Variants in PPARGC1A observed in about 807,000 individuals in gnomAD.
PPARGC1A encodes PPARG coactivator 1 alpha.
In PPARGC1A, 25 loss-of-function variants were observed where a neutral mutation model predicts 88.7. The observed-to-expected ratio is 0.28, with a 90% CI of 0.21 to 0.39. The LOEUF (loss-of-function observed/expected upper bound fraction) is 0.39, where lower values mean the gene tolerates loss of function less well. Ranked by LOEUF, PPARGC1A falls within the 10% of genes least tolerant of loss-of-function variation. The pLI, the probability that PPARGC1A is intolerant of heterozygous loss-of-function variation, is 1.00. For synonymous variants in PPARGC1A, 363 were observed against 355.6 expected, an observed-to-expected ratio of 1.02 and a Z score of -0.24; for missense variants, 880 against 968.7, an observed-to-expected ratio of 0.91 and a Z score of 1.22.
the PPARGC1A span, among the ~76,000 whole-genome samples, chr4:24,052,701 C>A: frequency 6.7e-6 from 1 of 149,744 alleles, no homozygotes; most frequent in East Asian, 1.9e-4. Context: ...ATTTTATTTT[C>A]ATTTGCTCCT....
At chr4:24,356,418 C>T in the PPARGC1A span, among the ~76,000 whole-genome samples, 5 of 152,172 alleles carry the variant, frequency 3.3e-5, no homozygotes, top group African/African-American at 7.2e-5. Context: ...TCTCTGTTCA[C>T]GGACATTAAC....
the PPARGC1A span, among the ~76,000 whole-genome samples, chr4:24,462,109 G>A: frequency 5.3e-5 from 8 of 151,966 alleles, no homozygotes; most frequent in Non-Finnish European, 1.0e-4. Context: ...TTTTTGAGAT[G>A]GAGTCTCGCT....
the PPARGC1A span, among the ~76,000 whole-genome samples, chr4:24,380,548 G>A: frequency 8.5e-5 from 13 of 152,226 alleles, 4 homozygotes; most frequent in Admixed American, 7.8e-4. Context: ...CAAGAAAGTA[G>A]TAAAATTAGC....
the PPARGC1A span, among the ~76,000 whole-genome samples, chr4:23,965,578 G>A: frequency 6.6e-6 from 1 of 152,172 alleles, no homozygotes; most frequent in South Asian, 2.1e-4. Context: ...AAAAGCAAAT[G>A]ATATTATACA....
chr4:24,318,396 T>C, the PPARGC1A span, among the ~76,000 whole-genome samples: 6 of 152,206 alleles, frequency 3.9e-5, no homozygotes, highest in Non-Finnish European at 8.8e-5. Context: ...TCAGGTAGAC[T>C]AGAAGGAACA....
At chr4:24,264,597 C>A in the PPARGC1A span, among the ~76,000 whole-genome samples, 2 of 152,370 alleles carry the variant, frequency 1.3e-5, no homozygotes, top group South Asian at 2.1e-4. Context: ...GGTTTTAGAA[C>A]CTTCATTGGC....
the PPARGC1A span, among the ~76,000 whole-genome samples, chr4:23,955,993 T>C: frequency 6.6e-6 from 1 of 152,120 alleles, no homozygotes; most frequent in African/African-American, 2.4e-5. Flanking sequence ...AAAGCAGCGA[T>C]AGGCAGTGTG....
the PPARGC1A span, among the ~76,000 whole-genome samples, chr4:24,122,614 T>A: frequency 6.9e-4 from 105 of 152,004 alleles, no homozygotes; most frequent in African/African-American, 2.5e-3. Flanking sequence ...GAGAACAGTG[T>A]CCCTGCTCTC....
the PPARGC1A span, among the ~76,000 whole-genome samples, chr4:23,965,802 C>T: frequency 6.6e-6 from 1 of 152,268 alleles, no homozygotes; most frequent in South Asian, 2.1e-4. Context: ...CTGACTGCGA[C>T]AACTAATTTT....
chr4:24,308,294 A>G, the PPARGC1A span, among the ~76,000 whole-genome samples: 62 of 1,362 alleles, frequency 0.046, no homozygotes, highest in East Asian at 0.096. Context: ...TCTGCCACCG[A>G]AAAAAAAAAA....
the PPARGC1A span, among the ~76,000 whole-genome samples, chr4:24,018,271 T>G: frequency 6.6e-6 from 1 of 152,178 alleles, no homozygotes; most frequent in African/African-American, 2.4e-5. Flanking sequence ...TCTTCTTGCT[T>G]TTTCTCCCTG....
intron 2 of PPARGC1A, among the ~76,000 whole-genome samples, chr4:23,856,952 G>A (rs1038020168): frequency 2.0e-5 from 3 of 152,042 alleles, no homozygotes; most frequent in African/African-American, 7.2e-5. Flanking sequence ...TCAAGGTATT[G>A]GAATGTCAAC....
the PPARGC1A span, among the ~76,000 whole-genome samples, chr4:23,915,309 C>T: frequency 6.6e-6 from 1 of 152,230 alleles, no homozygotes; most frequent in East Asian, 1.9e-4. Flanking sequence ...ACCTGGAATT[C>T]ACCATTTTTT....
intron 12 of PPARGC1A, among the ~76,000 whole-genome samples, chr4:23,799,913 TC>T (rs1005459001): frequency 3.9e-5 from 6 of 152,178 alleles, no homozygotes; most frequent in Non-Finnish European, 7.3e-5. Flanking sequence ...AAGACTTCAA[TC>T]CGTCTTGACT....
the PPARGC1A span, among the ~76,000 whole-genome samples, chr4:24,049,237 A>AATAC: frequency 1.8e-4 from 11 of 61,750 alleles, no homozygotes; most frequent in East Asian, 4.3e-4. Context: ...CATATATATA[A>AATAC]ATATATATAC....
the PPARGC1A span, among the ~76,000 whole-genome samples, chr4:24,310,162 C>T: frequency 1.3e-4 from 20 of 152,240 alleles, no homozygotes; most frequent in African/African-American, 3.9e-4. Flanking sequence ...GCTGTATACA[C>T]GTGGAGCTCA....
At chr4:23,862,442 T>C (rs954855992) in intron 2 of PPARGC1A, among the ~76,000 whole-genome samples, 2 of 152,062 alleles carry the variant, frequency 1.3e-5, no homozygotes, top group African/African-American at 2.4e-5. Flanking sequence ...AGGTATTAAT[T>C]GGGAAGCAGT....
the PPARGC1A span, among the ~76,000 whole-genome samples, chr4:24,392,869 C>G: frequency 6.6e-6 from 1 of 152,096 alleles, no homozygotes; most frequent in South Asian, 2.1e-4. Context: ...AGTATAAAAA[C>G]TGCAAGTATT....
chr4:24,138,859 A>G, the PPARGC1A span, among the ~76,000 whole-genome samples: 1 of 152,108 alleles, frequency 6.6e-6, no homozygotes, highest in Non-Finnish European at 1.5e-5. Context: ...ACACACAGAG[A>G]CTGTCTATTA....
Sources: allele counts gnomAD v4.1 joint callset (sites outside exome capture counted in the v4.1 genomes callset), GRCh38; gene constraint gnomAD v4.1.1; transcripts MANE v1.5; gene names NCBI Gene and HGNC (gene_info 2026-07-23, HGNC 2026-07-21).